Variants in LEPROTL1 observed in about 807,000 individuals in gnomAD.
LEPROTL1 encodes leptin receptor overlapping transcript like 1, also known as leptin receptor overlapping transcript-like 1.
LEPROTL1 carries 6 observed loss-of-function variants against 15.4 expected under a neutral mutation model. The ratio of observed to expected loss-of-function variants is 0.39; its 90% CI spans 0.21 to 0.77. The LOEUF (loss-of-function observed/expected upper bound fraction) is 0.77, where lower values mean the gene tolerates loss of function less well. Ranked by LOEUF, LEPROTL1 falls within the 30% of genes least tolerant of loss-of-function variation. The pLI is 0.41. For synonymous variants in LEPROTL1, 56 were observed against 52.6 expected (o/e 1.06, Z -0.28); for missense variants, 128 against 158.1 (o/e 0.81, Z 1.02).
intron 3 of LEPROTL1, among the ~76,000 whole-genome samples, chr8:30,120,315 TC>T (rs1802810000): frequency 6.6e-6 from 1 of 151,798 alleles, no homozygotes; most frequent in South Asian, 2.1e-4. Context: ...GATCCAGATC[TC>T]CCCCAGCCAT....
Position 30,125,566 on chromosome 8 carries a change from CT to C in LEPROTL1, c.280-6804del, listed in dbSNP as rs370723011. Among the ~76,000 whole-genome samples, 12 of 152,306 alleles carry C rather than the reference CT, an allele frequency of 7.9e-5. No homozygotes were observed. In the East Asian group the frequency reaches 1.9e-3, roughly 24 times the overall value. On this transcript the variant is annotated intron_variant, in intron 3 of 4. Coordinates refer to the LEPROTL1 transcript ENST00000442880. Reference sequence around the variant, plus strand: ...GGCAGATTGGGAGATGGATGCCTTACTTTTTCTGCTTAATGTGTTGAAAAAT... The same window carrying C: ...GGCAGATTGGGAGATGGATGCCTTACTTTTCTGCTTAATGTGTTGAAAAAT...
rs749887669 is a variant in LEPROTL1 at position 30,101,923 on chromosome 8, A to C, written c.42A>C (p.Gly14=). 2.7e-5 allele frequency: 44 copies of C among 1,608,828 alleles called. No individual in the cohort carries two copies. The highest frequency in any genetic ancestry group is 3.5e-5 in the Non-Finnish European group (41 of 1,177,044). ...IKALISLSFG[G]AIGLMFLMLG... ...CTTTGATTAGTTTGTCCTTTGGAGG[A>C]GCAATCGGACTGATGTTTTTGATGC... The change falls in exon 2 of 4, where the codon GGA becomes GGC. Residue 14 remains glycine, a synonymous_variant. Transcript: ENST00000321250.
intron 3 of LEPROTL1, among the ~76,000 whole-genome samples, chr8:30,126,895 C>G (rs1327235663): frequency 6.6e-6 from 1 of 152,140 alleles, no homozygotes; most frequent in African/African-American, 2.4e-5. Context: ...AAAAAATTAG[C>G]TGGATATGGT....
intron 3 of LEPROTL1, among the ~76,000 whole-genome samples, chr8:30,123,444 G>T (rs2117517022): frequency 6.6e-6 from 1 of 152,306 alleles, no homozygotes; most frequent in East Asian, 1.9e-4. Context: ...TTCAATCAAT[G>T]AACATGATAT....
chr8:30,108,135 C>A lies in LEPROTL1; in HGVS notation c.*2273C>A. The stretch of plus-strand genomic sequence containing the variant: ...TTTCATTCTGAAGTGCATTAACATT[C>A]TAATAAGGTGATGTAAAGCAAGATG... On this transcript the variant is annotated 3_prime_UTR_variant, in exon 4 of 4. Coordinates refer to ENST00000321250, the MANE Select transcript of LEPROTL1 (RefSeq NM_015344.3). 4.8e-6 allele frequency: 2 copies of A among 418,284 alleles called. No individual in the cohort carries two copies. The highest frequency in any genetic ancestry group is 6.4e-6 in the Non-Finnish European group (2 of 311,890). 25.9% of individuals were successfully genotyped at this position (418,284 alleles called of 1,614,324 possible). A position where few individuals can be genotyped will look rare whatever the true frequency, so the allele number is the denominator to read the frequency against.
intron 3 of LEPROTL1, among the ~76,000 whole-genome samples, chr8:30,125,846 T>C (rs1802896747): frequency 6.6e-6 from 1 of 152,176 alleles, no homozygotes; most frequent in South Asian, 2.1e-4. Context: ...AAGAAAATGC[T>C]AAAGTAGTCA....
chr8:30,097,372 A>T lies in LEPROTL1; in HGVS notation c.16+1844A>T, dbSNP rs181542837. 2.0e-3 allele frequency among the ~76,000 whole-genome samples: 307 copies of T among 152,038 alleles called. 6 individuals are homozygous for T. The East Asian group carries it at 0.032, about 16-fold the overall frequency. On this transcript the variant is annotated intron_variant, in intron 1 of 3. Coordinates refer to ENST00000321250, the MANE Select transcript of LEPROTL1 (RefSeq NM_015344.3). ...ACATCAAACTGTGTTATGAATATTT[A>T]AAAAAAATTTAGTATTTAATCCTGG...
At chr8:30,117,847 T>C in intron 3 of LEPROTL1, 1 of 611,766 alleles carries the variant, frequency 1.6e-6, no homozygotes, top group East Asian at 2.7e-5. Context: ...TTTTAAAATC[T>C]GAAAGTTAGC....
At chr8:30,132,874 A>G in intron 4 of LEPROTL1, 1 of 1,542,538 alleles carries the variant, frequency 6.5e-7, no homozygotes, top group Non-Finnish European at 8.7e-7. Flanking sequence ...CCTCTGGGTC[A>G]AGAGCATGAG....
At chr8:30,137,326 G>C in exon 5 of LEPROTL1, 7 of 1,551,726 alleles carry the variant, frequency 4.5e-6, no homozygotes, top group Non-Finnish European at 5.2e-6. Flanking sequence ...TGAAGGAAGA[G>C]AAACACTGAC....
At chr8:30,116,453 A>C (rs566579780) in intron 3 of LEPROTL1, among the ~76,000 whole-genome samples, 1 of 152,152 alleles carries the variant, frequency 6.6e-6, no homozygotes, top group Non-Finnish European at 1.5e-5. Flanking sequence ...GGAGCGCGCA[A>C]CCTAGATCCC....
At chr8:30,119,986 T>G (rs906548058) in intron 3 of LEPROTL1, among the ~76,000 whole-genome samples, 4 of 152,068 alleles carry the variant, frequency 2.6e-5, no homozygotes, top group Non-Finnish European at 2.9e-5. Context: ...GGAGAATCAC[T>G]TGAACCTGGG....
rs1281752698 is a variant in LEPROTL1, at chr8:30,104,379, G to A, written c.172G>A (p.Asp58Asn). ...PYCIARRLVD[D>N]TDAMSNACKE... The stretch of plus-strand genomic sequence containing the variant: ...CTGCATAGCAAGAAGATTAGTGGAT[G>A]ATACAGATGCTATGAGTAACGCTTG... The change falls in exon 3 of 4, where the codon GAT (aspartate) becomes AAT (asparagine). Residue 58 changes from aspartate (D) to asparagine (N), a missense_variant. Asp to Asn is a conservative substitution (Grantham distance 23). Coordinates refer to ENST00000321250, the MANE Select transcript of LEPROTL1 (RefSeq NM_015344.3). The A allele has an allele frequency of 1.2e-6, 2 of 1,611,256 alleles. No homozygotes were observed. Among genetic ancestry groups the A allele is most frequent in the South Asian group, 1.1e-5 (1 of 90,596 alleles).
chr8:30,097,649 G>A (rs1379916705), intron 1 of LEPROTL1, among the ~76,000 whole-genome samples: 2 of 125,934 alleles, frequency 1.6e-5, no homozygotes, highest in Non-Finnish European at 3.2e-5. Flanking sequence ...TCCAGCCTGG[G>A]CAACAGAGTG....
intron 3 of LEPROTL1, among the ~76,000 whole-genome samples, chr8:30,120,107 G>A (rs1018577959): frequency 1.2e-4 from 18 of 151,094 alleles, no homozygotes; most frequent in African/African-American, 4.4e-4. Flanking sequence ...ATAAATAAAT[G>A]TATGTTTTTA....
intron 3 of LEPROTL1, among the ~76,000 whole-genome samples, chr8:30,124,592 G>A (rs567057020): frequency 6.6e-6 from 1 of 152,120 alleles, no homozygotes; most frequent in Admixed American, 6.5e-5. Context: ...TATCCAATTA[G>A]TGTTTAAATT....
intron 3 of LEPROTL1, among the ~76,000 whole-genome samples, chr8:30,119,800 G>A (rs973099976): frequency 6.6e-5 from 10 of 152,090 alleles, no homozygotes; most frequent in African/African-American, 2.2e-4. Context: ...TGGGCCTGGC[G>A]GCTCATGTCT....
rs1372176237 is a variant in LEPROTL1 at position 30,096,273 on chromosome 8, T to C, written c.16+745T>C. 3.1e-6 allele frequency: 3 copies of C among 973,946 alleles called. No homozygotes were observed. The African/African-American group carries it at 5.3e-5, about 17-fold the overall frequency. The allele number at this position is 973,946 out of a possible 1,614,324, so 60.3% of individuals were successfully genotyped here. A position where few individuals can be genotyped will look rare whatever the true frequency, so the allele number is the denominator to read the frequency against. On this transcript the variant is annotated intron_variant, in intron 1 of 3. Coordinates refer to ENST00000321250, the MANE Select transcript of LEPROTL1 (RefSeq NM_015344.3). The stretch of plus-strand genomic sequence containing the variant: ...ACTACTGGCTTATTCATGTATTTTC[T>C]TTTAAAAAAAGGAATGTTGCATTTG...
intron 3 of LEPROTL1, among the ~76,000 whole-genome samples, chr8:30,126,362 C>G (rs1466321364): frequency 1.3e-5 from 2 of 152,198 alleles, no homozygotes; most frequent in Admixed American, 1.3e-4. Flanking sequence ...CATGACTGTA[C>G]CTTCCATTAG....
Sources: allele counts gnomAD v4.1 joint callset (sites outside exome capture counted in the v4.1 genomes callset), GRCh38; gene constraint gnomAD v4.1.1; transcripts MANE v1.5; gene names NCBI Gene and HGNC (gene_info 2026-07-23, HGNC 2026-07-21).